Variants in ERICH3 observed in about 807,000 individuals in gnomAD.
ERICH3 encodes the protein glutamate-rich protein 3.
In ERICH3, 126 loss-of-function variants were observed where a neutral mutation model predicts 131.1. That is an observed-to-expected ratio of 0.96 (90% CI 0.83 to 1.11). ERICH3 has a LOEUF of 1.11. Ranked by LOEUF, ERICH3 falls within the 50% of genes most tolerant of loss-of-function variation. ERICH3 has a pLI of 0.00. For synonymous variants in ERICH3, 695 were observed against 644.6 expected (o/e 1.08, Z -1.18); for missense variants, 2,050 against 1,810.7 (o/e 1.13, Z -2.40).
rs1649503086 is a variant in ERICH3 at position 74,628,951 on chromosome 1, TAAA to T, written c.819+2759_819+2761del. 2.0e-5 allele frequency among the ~76,000 whole-genome samples: 3 copies of T among 152,004 alleles called. No homozygotes were observed. The South Asian group carries it at 6.2e-4, about 31-fold the overall frequency. ...CTCAAGAATTAAGAGACTAAACACA[TAAA>T]AAGTCTACAAATGTAAAAATATGAG... On this transcript the variant is annotated intron_variant, in intron 7 of 14. Coordinates refer to ENST00000326665, the MANE Select transcript of ERICH3 (RefSeq NM_001002912.5).
intron 1 of ERICH3, among the ~76,000 whole-genome samples, chr1:74,661,829 A>G (rs1251701774): frequency 6.6e-6 from 1 of 152,228 alleles, no homozygotes; most frequent in African/African-American, 2.4e-5. Context: ...CATAAAGCAT[A>G]ACTGGAATTT....
intron 12 of ERICH3, among the ~76,000 whole-genome samples, chr1:74,580,934 C>T (rs1290193362): frequency 6.6e-6 from 1 of 152,148 alleles, no homozygotes; most frequent in African/African-American, 2.4e-5. Flanking sequence ...CTTTCCCCGC[C>T]TGGTAGTCTC....
At chr1:74,583,198 G>A (rs1311422550) in intron 12 of ERICH3, among the ~76,000 whole-genome samples, 2 of 152,122 alleles carry the variant, frequency 1.3e-5, no homozygotes, top group East Asian at 3.9e-4. Context: ...TCAATGTACT[G>A]TATATCTTGG....
intron 5 of ERICH3, among the ~76,000 whole-genome samples, chr1:74,639,298 T>C (rs1557695415): frequency 6.6e-6 from 1 of 152,190 alleles, no homozygotes; most frequent in African/African-American, 2.4e-5. Context: ...AACTAGAACA[T>C]GATCTATTGG....
At chr1:74,634,711 G>C in intron 6 of ERICH3, 1 of 706,528 alleles carries the variant, frequency 1.4e-6, no homozygotes, top group Non-Finnish European at 2.6e-6. Flanking sequence ...CTAGGGGAGA[G>C]GAAATCCTAC....
At chr1:74,603,828 C>T (rs1393594605) in intron 10 of ERICH3, among the ~76,000 whole-genome samples, 2 of 151,882 alleles carry the variant, frequency 1.3e-5, no homozygotes, top group Admixed American at 6.6e-5. Context: ...AACTGGTCAT[C>T]GTCTTTTTGC....
rs368696467 is a variant in ERICH3 at position 74,592,647 on chromosome 1, G to T, written c.1727-2567C>A. 7.9e-5 allele frequency among the ~76,000 whole-genome samples: 12 copies of T among 152,080 alleles called. No individual in the cohort carries two copies. In the East Asian group the frequency reaches 2.3e-3, roughly 29 times the overall value. On this transcript the variant is annotated intron_variant, in intron 11 of 14. Coordinates refer to ENST00000326665, the MANE Select transcript of ERICH3 (RefSeq NM_001002912.5). ...TAATTGTATTATTTTATTTCAAAGGGCTGAAATATACTCTGGTTCAAGTTT... is the reference window on the plus strand; with the variant it reads ...TAATTGTATTATTTTATTTCAAAGGTCTGAAATATACTCTGGTTCAAGTTT...
chr1:74,589,994 C>T lies in ERICH3; in HGVS notation c.1813G>A (p.Ala605Thr). 1 of 1,613,876 alleles carries T rather than the reference C, an allele frequency of 6.2e-7. No individual in the cohort carries two copies. The change falls in exon 12 of 15, where the codon GCC (alanine) becomes ACC (threonine). Residue 605 changes from alanine (A) to threonine (T), a missense_variant. Ala to Thr is a moderately conservative substitution (Grantham distance 58). Transcript: ENST00000326665. ...EDESAVGDRE[A>T]HTDSSTDESA... ...TCATCTGTGCTGCTGTCAGTGTGGG[C>T]TTCCCTGTCCCCCACTGCAGATTCA... is the stretch of plus-strand genomic sequence containing the variant.
intron 7 of ERICH3, among the ~76,000 whole-genome samples, chr1:74,628,941 A>G (rs1649502636): frequency 6.6e-6 from 1 of 152,144 alleles, no homozygotes; most frequent in Non-Finnish European, 1.5e-5. Context: ...GAATTAAGAG[A>G]CTAAACACAT....
At chr1:74,623,980 T>C (rs1032337245) in intron 7 of ERICH3, 1 of 152,212 alleles carries the variant, frequency 6.6e-6, no homozygotes, top group Non-Finnish European at 1.5e-5. Context: ...TCCCTTGTAT[T>C]ATCTCTCTCT....
At chr1:74,602,708 G>A (rs1037521945) in intron 10 of ERICH3, among the ~76,000 whole-genome samples, 1 of 151,828 alleles carries the variant, frequency 6.6e-6, no homozygotes, top group African/African-American at 2.4e-5. Context: ...TAGGTATCAT[G>A]AGTATAAAGT....
chr1:74,590,199 T>A lies in ERICH3; in HGVS notation c.1727-119A>T. The A allele has an allele frequency of 3.4e-6, 3 of 883,342 alleles. No homozygotes were observed. The South Asian group carries it at 5.8e-5, about 17-fold the overall frequency. The allele number at this position is 883,342 out of a possible 1,614,324, so 54.7% of individuals were successfully genotyped here. On this transcript the variant is annotated intron_variant, in intron 11 of 14. Transcript: ENST00000326665. ...TTTAAAACATAGTTTAATATAGACCTGATATCCTTTTCCCATATAGTCTAC... is the reference window on the plus strand; with the variant it reads ...TTTAAAACATAGTTTAATATAGACCAGATATCCTTTTCCCATATAGTCTAC...
intron 7 of ERICH3, chr1:74,622,977 C>T (rs1649279822): frequency 6.6e-6 from 1 of 152,080 alleles, no homozygotes; most frequent in African/African-American, 2.4e-5. Context: ...AGTGACAGCT[C>T]GTGATTAAAT....
chr1:74,598,664 T>C (rs1324192752), intron 11 of ERICH3, among the ~76,000 whole-genome samples: 1 of 151,878 alleles, frequency 6.6e-6, no homozygotes, highest in Non-Finnish European at 1.5e-5. Context: ...TAAGGAAAGA[T>C]GCTCAACCCA....
At chr1:74,574,282 G>A (rs1245817561) in intron 13 of ERICH3, among the ~76,000 whole-genome samples, 1 of 151,916 alleles carries the variant, frequency 6.6e-6, no homozygotes, top group Non-Finnish European at 1.5e-5. Flanking sequence ...ACTGCACCTG[G>A]CCCTGAACTC....
chr1:74,660,935 G>A (rs776946402), intron 1 of ERICH3, among the ~76,000 whole-genome samples: 4 of 151,728 alleles, frequency 2.6e-5, no homozygotes, highest in Non-Finnish European at 5.9e-5. Flanking sequence ...CTATTTTAAT[G>A]TACGATGGGA....
At chr1:74,600,582 T>C (rs553419806) in intron 10 of ERICH3, among the ~76,000 whole-genome samples, 74 of 152,012 alleles carry the variant, frequency 4.9e-4, no homozygotes, top group African/African-American at 1.7e-3. Flanking sequence ...AAATAGAATA[T>C]TCCTGTCACA....
At chr1:74,581,089 C>G (rs1647169444) in intron 12 of ERICH3, among the ~76,000 whole-genome samples, 1 of 152,166 alleles carries the variant, frequency 6.6e-6, no homozygotes, top group Admixed American at 6.6e-5. Context: ...TTACTCAGTA[C>G]TATTTCTTCC....
chr1:74,662,505 T>A (rs996408564), intron 1 of ERICH3, among the ~76,000 whole-genome samples: 1 of 152,018 alleles, frequency 6.6e-6, no homozygotes, highest in Non-Finnish European at 1.5e-5. Flanking sequence ...TAGGAGATGA[T>A]CAGAAATAAA....
Sources: gnomAD v4.1 joint callset for allele counts (sites outside exome capture counted in the v4.1 genomes callset) on GRCh38, gnomAD v4.1.1 for gene constraint, MANE v1.5 for transcripts, NCBI Gene and HGNC (gene_info 2026-07-23, HGNC 2026-07-21) for gene names.